The following TAF1B variants were observed in gnomAD, a reference collection of about 807,000 sequenced individuals.
TAF1B encodes the protein TATA box-binding protein-associated factor RNA polymerase I subunit B.
In TAF1B, 61 loss-of-function variants were observed where a neutral mutation model predicts 83.9. That is an observed-to-expected ratio of 0.73 (90% CI 0.59 to 0.90). The LOEUF is 0.90. TAF1B is among the 40% of genes least tolerant of loss of function. The pLI is 0.00. For synonymous variants in TAF1B, 221 were observed against 224.6 expected (o/e 0.98, Z 0.14); for missense variants, 625 against 677.0 (o/e 0.92, Z 0.85).
intron 3 of TAF1B, among the ~76,000 whole-genome samples, chr2:9,850,023 ATATATGTGTG>A (rs750616136): frequency 3.4e-5 from 3 of 87,172 alleles, no homozygotes; most frequent in East Asian, 7.0e-4. Context: ...AAATATATAT[ATATATGTGTG>A]TGTGTGTGTG....
At chr2:9,922,074 A>G (rs1033233633) in intron 14 of TAF1B, among the ~76,000 whole-genome samples, 2 of 152,234 alleles carry the variant, frequency 1.3e-5, no homozygotes, top group Non-Finnish European at 2.9e-5. Context: ...GAAATTGCCC[A>G]AGAGGAAATT....
chr2:9,843,611 A>G, intron 1 of TAF1B, 52 bp downstream of exon 1: 1 of 1,462,212 alleles, frequency 6.8e-7, no homozygotes, highest in Non-Finnish European at 9.1e-7. Flanking sequence ...CGGAGGAGAG[A>G]GAAGCTGAGG....
chr2:9,884,639 G>T (rs1297485143), intron 8 of TAF1B, among the ~76,000 whole-genome samples: 1 of 152,206 alleles, frequency 6.6e-6, no homozygotes, highest in Non-Finnish European at 1.5e-5. Flanking sequence ...TCGTCCTATT[G>T]TCTTTGCAGC....
At chr2:9,882,853 G>A (rs1572246485) in intron 8 of TAF1B, 48 bp downstream of exon 8, 2 of 1,332,012 alleles carry the variant, frequency 1.5e-6, no homozygotes, top group South Asian at 1.4e-5. Context: ...AGGCACAAGA[G>A]TGGTATGATA....
chr2:9,906,055 T>C (rs1665332557), intron 9 of TAF1B, among the ~76,000 whole-genome samples: 2 of 152,084 alleles, frequency 1.3e-5, no homozygotes, highest in Non-Finnish European at 2.9e-5. Context: ...TTTTTTTCTT[T>C]CTGCTTCTTT....
intron 9 of TAF1B, 97 bp from the exon 10 acceptor site, chr2:9,910,639 T>G: frequency 9.6e-7 from 1 of 1,044,250 alleles, no homozygotes; most frequent in Non-Finnish European, 1.3e-6. Context: ...AGTTCTTGCA[T>G]AGTGTCGTGT....
chr2:9,884,165 T>G (rs568741267), intron 8 of TAF1B, among the ~76,000 whole-genome samples: 1 of 152,340 alleles, frequency 6.6e-6, no homozygotes, highest in South Asian at 2.1e-4. Context: ...TCCGCGAGGC[T>G]GCGACCGGAC....
At chr2:9,853,594 A>G (rs1306066948) in intron 4 of TAF1B, among the ~76,000 whole-genome samples, 1 of 151,882 alleles carries the variant, frequency 6.6e-6, no homozygotes, top group South Asian at 2.1e-4. Flanking sequence ...CAGCCTCCCA[A>G]GTATCTGGGA....
chr2:9,909,534 G>A (rs1665459272), intron 9 of TAF1B, among the ~76,000 whole-genome samples: 1 of 152,188 alleles, frequency 6.6e-6, no homozygotes, highest in Non-Finnish European at 1.5e-5. Flanking sequence ...GGGAACTATG[G>A]AGATTAGGCT....
chr2:9,863,160 TAA>T (rs1663837288), intron 5 of TAF1B, among the ~76,000 whole-genome samples: 1 of 152,086 alleles, frequency 6.6e-6, no homozygotes, highest in Non-Finnish European at 1.5e-5. Flanking sequence ...GCAAATTGGA[TAA>T]AGAGTCAAGA....
rs1011354488 is a variant in TAF1B, at chr2:9,888,385, A to G, written c.807+5580A>G. On this transcript the variant is annotated intron_variant, in intron 8 of 14. Coordinates refer to ENST00000263663, the MANE Select transcript of TAF1B (RefSeq NM_005680.3). Reference sequence around the variant, plus strand: ...GAGAAAAATCATTTTATATTTACCTATGTGTTTGCCATTTCTGGTAATCTT... The same window carrying G: ...GAGAAAAATCATTTTATATTTACCTGTGTGTTTGCCATTTCTGGTAATCTT... Among the ~76,000 whole-genome samples the G allele has an allele frequency of 4.0e-5, 6 of 151,712 alleles. No homozygotes were observed. The East Asian group carries it at 7.8e-4, about 20-fold the overall frequency.
chr2:9,850,014 AAT>A (rs56180231), intron 3 of TAF1B, among the ~76,000 whole-genome samples: 28,951 of 105,798 alleles, frequency 0.27, 3,514 homozygotes, highest in Non-Finnish European at 0.38. Context: ...CACATTAAAA[AAT>A]ATATATATAT....
chr2:9,859,157 A>G (rs1311371493), intron 5 of TAF1B, among the ~76,000 whole-genome samples: 3 of 151,166 alleles, frequency 2.0e-5, no homozygotes, highest in Admixed American at 6.6e-5. Flanking sequence ...TGCTTTCAGG[A>G]TCAGCCAGGT....
intron 8 of TAF1B, among the ~76,000 whole-genome samples, chr2:9,886,521 A>G (rs1176153119): frequency 6.6e-6 from 1 of 152,190 alleles, no homozygotes; most frequent in African/African-American, 2.4e-5. Flanking sequence ...CTAACCAGTA[A>G]TTTCCTTTTT....
intron 7 of TAF1B, among the ~76,000 whole-genome samples, chr2:9,877,042 C>CGAAA (rs1215449361): frequency 6.6e-6 from 1 of 152,164 alleles, no homozygotes; most frequent in African/African-American, 2.4e-5. Flanking sequence ...AAAACGCTTT[C>CGAAA]CTCAGGTCTG....
intron 14 of TAF1B, among the ~76,000 whole-genome samples, chr2:9,929,718 T>G (rs147941421): frequency 0.048 from 7,369 of 152,270 alleles, 232 homozygotes; most frequent in Non-Finnish European, 0.073. Context: ...TTAGGGAGGA[T>G]TCCCTCTTTT....
chr2:9,844,202 G>C (rs1050019492), intron 1 of TAF1B: 5 of 152,152 alleles, frequency 3.3e-5, no homozygotes, highest in Admixed American at 3.3e-4. Context: ...CCAGGCTGGA[G>C]TACAGTGGCA....
At chr2:9,897,340 A>G (rs1318327357) in intron 8 of TAF1B, among the ~76,000 whole-genome samples, 1 of 152,222 alleles carries the variant, frequency 6.6e-6, no homozygotes, top group Non-Finnish European at 1.5e-5. Flanking sequence ...TTAAAAATAG[A>G]TAATATGTAA....
At chr2:9,863,757 A>G (rs1435369764) in intron 5 of TAF1B, among the ~76,000 whole-genome samples, 1 of 152,396 alleles carries the variant, frequency 6.6e-6, no homozygotes, top group East Asian at 1.9e-4. Flanking sequence ...CTTTCAGACC[A>G]CAGTGCAATC....
Sources: gnomAD v4.1 joint callset for allele counts (sites outside exome capture counted in the v4.1 genomes callset) on GRCh38, gnomAD v4.1.1 for gene constraint, MANE v1.5 for transcripts, NCBI Gene and HGNC (gene_info 2026-07-23, HGNC 2026-07-21) for gene names.